The following ZFHX3 variants were observed in gnomAD, a reference collection of about 807,000 sequenced individuals.
The protein encoded by ZFHX3 is zinc finger homeobox protein 3.
ZFHX3 carries 42 observed loss-of-function variants against 279.1 expected under a neutral mutation model. That is an observed-to-expected ratio of 0.15 (90% CI 0.12 to 0.19). The LOEUF is 0.19. ZFHX3 is among the 10% of genes least tolerant of loss of function. ZFHX3 has a pLI of 1.00. For synonymous variants in ZFHX3, 2,293 were observed against 1,957.8 expected, an observed-to-expected ratio of 1.17 and a Z score of -4.52; for missense variants, 4,981 against 4,754.0, an observed-to-expected ratio of 1.05 and a Z score of -1.40.
Position 72,958,302 on chromosome 16 carries a change from C to T in ZFHX3, c.1844G>A (p.Gly615Asp), listed in dbSNP as rs1366937336. 6.2e-6 allele frequency: 10 copies of T among 1,613,882 alleles called. No homozygotes were observed. The highest frequency in any genetic ancestry group is 5.0e-5 in the Admixed American group (3 of 60,004). The change falls in exon 2 of 10, where the codon GGC becomes GAC. Residue 615 changes from glycine to aspartate, a missense_variant. This residue lies in a region of ZFHX3 where 1,068 missense variants were observed against 935.2 expected (regional missense o/e 1.14). Transcript: ENST00000268489. ...PNESTEGDDG[G>D]FVPHHQHAGS... ...AGCGTGCTGGTGATGGGGAACGAAG[C>T]CCCCATCGTCACCCTCTGTGCTTTC...
intron 2 of ZFHX3, among the ~76,000 whole-genome samples, chr16:73,636,829 A>G (rs1350617556): frequency 2.0e-5 from 3 of 152,198 alleles, no homozygotes; most frequent in East Asian, 3.8e-4. Context: ...TATCAATTTC[A>G]TGTAAATTAA....
chr16:73,793,913 C>T lies in ZFHX3; in HGVS notation c.-1608+97738G>A, dbSNP rs556125779. On this transcript the variant is annotated intron_variant, in intron 1 of 17. Transcript: ENST00000641206. ...CAAGCTGAGGTTCAAAAATGGATAG[C>T]CTTTGGGTGGTGATTGGGGGGAGGG... Among the ~76,000 whole-genome samples, 3 of 151,696 alleles carry T rather than the reference C, an allele frequency of 2.0e-5. No homozygotes were observed. The South Asian group carries it at 6.2e-4, about 32-fold the overall frequency.
chr16:73,554,146 A>G (rs572919774), intron 2 of ZFHX3: 57 of 152,340 alleles, frequency 3.7e-4, no homozygotes, highest in African/African-American at 1.3e-3. Context: ...TGTGAGAGAC[A>G]CATATGGTGC....
At chr16:73,217,596 G>A (rs1315671666) in intron 5 of ZFHX3, among the ~76,000 whole-genome samples, 3 of 152,086 alleles carry the variant, frequency 2.0e-5, no homozygotes, top group African/African-American at 7.2e-5. Flanking sequence ...AGTGCCTCTC[G>A]ATGTTGGTTA....
upstream of ZFHX3, among the ~76,000 whole-genome samples, chr16:73,049,919 T>C (rs780743252): frequency 6.6e-5 from 10 of 152,120 alleles, no homozygotes; most frequent in South Asian, 2.1e-4. Context: ...AAAGTGACTA[T>C]GAATAAGACA....
chr16:73,015,040 C>CT (rs67778248), intron 1 of ZFHX3: 7,199 of 94,474 alleles, frequency 0.076, 478 homozygotes, highest in African/African-American at 0.11. Context: ...AGAGCTGTGT[C>CT]TTTTTTTTTT....
At chr16:72,811,018 C>T (rs986449871) in intron 7 of ZFHX3, among the ~76,000 whole-genome samples, 2 of 152,108 alleles carry the variant, frequency 1.3e-5, no homozygotes, top group African/African-American at 2.4e-5. Flanking sequence ...GTAGCTAGGA[C>T]AACAGGTGCA....
At chr16:73,126,473 A>G (rs1296849478) in intron 7 of ZFHX3, among the ~76,000 whole-genome samples, 1 of 152,094 alleles carries the variant, frequency 6.6e-6, no homozygotes, top group African/African-American at 2.4e-5. Flanking sequence ...ACAGAAACAG[A>G]TGGGAGGTTT....
chr16:73,602,953 C>CAAAG (rs2052136744), intron 2 of ZFHX3, among the ~76,000 whole-genome samples: 2 of 121,990 alleles, frequency 1.6e-5, no homozygotes, highest in Non-Finnish European at 3.5e-5. Context: ...AAAAAAAAAT[C>CAAAG]ACCATCTGAT....
At chr16:73,278,927 T>G (rs1411169714) in intron 4 of ZFHX3, among the ~76,000 whole-genome samples, 2 of 152,212 alleles carry the variant, frequency 1.3e-5, no homozygotes, top group Non-Finnish European at 2.9e-5. Flanking sequence ...ACCCAGGAAG[T>G]CCAGCTGGCT....
rs757271105 is a variant in ZFHX3 at position 72,797,862 on chromosome 16, T to C, written c.4820A>G (p.Gln1607Arg). Residue 1607 changes from glutamine (Q) to arginine (R), a missense_variant, in exon 9 of 10, where the codon CAG becomes CGG. This residue lies in a region of ZFHX3 where 1,751 missense variants were observed against 1,770.0 expected (regional missense o/e 0.99). Coordinates refer to ENST00000268489, the MANE Select transcript of ZFHX3 (RefSeq NM_006885.4). Reference sequence around the variant, plus strand: ...CATATGGATCTCCAGAGTGGAACTCTGGCTGTAGGCCACATTACAAGTGTT... The same window carrying C: ...CATATGGATCTCCAGAGTGGAACTCCGGCTGTAGGCCACATTACAAGTGTT... ...KCNTCNVAYS[Q>R]SSTLEIHMRS... The C allele has an allele frequency of 6.2e-7, 1 of 1,614,086 alleles. No homozygotes were observed. The highest frequency in any genetic ancestry group is 1.1e-5 in the South Asian group (1 of 91,084).
intron 1 of ZFHX3, among the ~76,000 whole-genome samples, chr16:73,823,868 T>C (rs1015917398): frequency 6.6e-6 from 1 of 152,156 alleles, no homozygotes; most frequent in Non-Finnish European, 1.5e-5. Context: ...CAGCGGACGC[T>C]CTGATGGCAA....
intron 1 of ZFHX3, among the ~76,000 whole-genome samples, chr16:73,821,615 G>C (rs1226916995): frequency 1.3e-5 from 2 of 152,220 alleles, no homozygotes; most frequent in East Asian, 3.8e-4. Context: ...ACTTGAACCT[G>C]GTAGCCTACC....
At chr16:73,222,269 C>T (rs562426941) in intron 5 of ZFHX3, among the ~76,000 whole-genome samples, 9 of 152,000 alleles carry the variant, frequency 5.9e-5, no homozygotes, top group Non-Finnish European at 1.2e-4. Context: ...TATTACTTTG[C>T]CTTATATCAT....
chr16:73,847,315 C>T (rs1412660577), intron 1 of ZFHX3, among the ~76,000 whole-genome samples: 1 of 152,056 alleles, frequency 6.6e-6, no homozygotes, highest in African/African-American at 2.4e-5. Flanking sequence ...AAGAAAAGCC[C>T]TTAAGGATGA....
intron 2 of ZFHX3, among the ~76,000 whole-genome samples, chr16:73,529,672 T>G (rs768267071): frequency 3.3e-4 from 50 of 152,322 alleles, no homozygotes; most frequent in Middle Eastern, 3.4e-3. Flanking sequence ...GTCATACCTC[T>G]GAGGAAGTCA....
intron 3 of ZFHX3, among the ~76,000 whole-genome samples, chr16:73,358,844 C>G (rs1306808682): frequency 2.2e-4 from 33 of 152,182 alleles, no homozygotes. Flanking sequence ...TCAGAGGACC[C>G]TGTGTCCATT....
intron 8 of ZFHX3, among the ~76,000 whole-genome samples, chr16:73,087,317 C>T (rs778690149): frequency 5.9e-5 from 9 of 151,974 alleles, no homozygotes; most frequent in South Asian, 4.2e-4. Context: ...TCTGAGGATC[C>T]GGGAATGTGA....
intron 1 of ZFHX3, among the ~76,000 whole-genome samples, chr16:73,000,337 C>T (rs1370828961): frequency 1.3e-5 from 2 of 152,176 alleles, no homozygotes; most frequent in Non-Finnish European, 2.9e-5. Context: ...AATTAAAAAG[C>T]CATCCGGGAA....
Sources: gnomAD v4.1 joint callset for allele counts (sites outside exome capture counted in the v4.1 genomes callset) on GRCh38, gnomAD v4.1.1 for gene constraint, gnomAD v4.1.1 regional missense constraint, MANE v1.5 for transcripts, NCBI Gene and HGNC (gene_info 2026-07-23, HGNC 2026-07-21) for gene names.